Variants in ARAP2 observed in about 807,000 individuals in gnomAD.
ARAP2 encodes arf-GAP with Rho-GAP domain, ANK repeat and PH domain-containing protein 2.
A neutral mutation model predicts 194.5 loss-of-function variants in ARAP2; 148 were observed. That is an observed-to-expected ratio of 0.76 (90% CI 0.67 to 0.87). The LOEUF is 0.87. Ranked by LOEUF, ARAP2 falls within the 40% of genes least tolerant of loss-of-function variation. The pLI is 0.00. For missense variants in ARAP2, 2,128 were observed against 1,989.7 expected (o/e 1.07, Z -1.32); for synonymous variants, 695 against 683.5 (o/e 1.02, Z -0.26).
At chr4:36,225,499 C>G (rs1382231260) in intron 2 of ARAP2, among the ~76,000 whole-genome samples, 1 of 152,010 alleles carries the variant, frequency 6.6e-6, no homozygotes, top group African/African-American at 2.4e-5. Flanking sequence ...AAGGAAGGAG[C>G]TGGTGCTTGG....
chr4:36,242,523 G>A (rs748604913), intron 1 of ARAP2, among the ~76,000 whole-genome samples: 2 of 152,072 alleles, frequency 1.3e-5, no homozygotes, highest in East Asian at 1.9e-4. Flanking sequence ...AGAATTCTAC[G>A]TAGACTTTAA....
chr4:36,121,356 T>A, intron 22 of ARAP2, 30 bp from the exon 23 acceptor site: 1 of 1,530,194 alleles, frequency 6.5e-7, no homozygotes, highest in Non-Finnish European at 8.8e-7. Flanking sequence ...TTTATTATGA[T>A]ACACTTTTAT....
intron 30 of ARAP2, among the ~76,000 whole-genome samples, chr4:36,081,098 G>A (rs1729425821): frequency 6.6e-6 from 1 of 152,062 alleles, no homozygotes; most frequent in South Asian, 2.1e-4. Context: ...TAAAAAATCT[G>A]TGTTTTCTTC....
chr4:36,232,169 G>A lies in ARAP2; in HGVS notation c.-159-2524C>T, dbSNP rs57728875. On this transcript the variant is annotated intron_variant, in intron 1 of 32. Coordinates refer to ENST00000303965, the MANE Select transcript of ARAP2 (RefSeq NM_015230.4). ...AAATTTACGTGGTTTAAGCTACATG[G>A]CCTGTGGTATTTTGTCACAGCAGCT... Among the ~76,000 whole-genome samples, 337 of 152,264 alleles carry A rather than the reference G, an allele frequency of 2.2e-3. 3 individuals carry two copies. The highest frequency in any genetic ancestry group is 7.6e-3 in the African/African-American group (315 of 41,546).
At chr4:36,033,720 C>A (rs1719407849) in intron 5 of ARAP2, among the ~76,000 whole-genome samples, 1 of 151,910 alleles carries the variant, frequency 6.6e-6, no homozygotes, top group South Asian at 2.1e-4. Context: ...GAAATCTTTG[C>A]CCATTCCGAC....
chr4:36,106,200 A>G (rs1362203041), intron 27 of ARAP2, among the ~76,000 whole-genome samples: 1 of 151,954 alleles, frequency 6.6e-6, no homozygotes, highest in Non-Finnish European at 1.5e-5. Flanking sequence ...CCACTACTTT[A>G]TGACATGTGC....
chr4:36,132,690 C>CA (rs1483528990), intron 20 of ARAP2, among the ~76,000 whole-genome samples: 2 of 151,718 alleles, frequency 1.3e-5, no homozygotes, highest in African/African-American at 4.8e-5. Context: ...TTTTTATCTG[C>CA]AAACGATTCA....
chr4:36,127,965 A>T (rs1724374440), intron 21 of ARAP2, among the ~76,000 whole-genome samples: 1 of 152,114 alleles, frequency 6.6e-6, no homozygotes, highest in African/African-American at 2.4e-5. Context: ...ACTAAAATTA[A>T]TTTGACCCAT....
intron 11 of ARAP2, among the ~76,000 whole-genome samples, chr4:36,161,793 CAAAAAAAAAAA>C (rs869193087): frequency 4.0e-5 from 4 of 99,462 alleles, no homozygotes; most frequent in South Asian, 3.3e-4. Flanking sequence ...TCTGCACTGA[CAAAAAAAAAAA>C]AAAAAAAAAA....
At chr4:36,057,348 GT>G (rs77470022) in intron 2 of ARAP2, among the ~76,000 whole-genome samples, 68 of 143,636 alleles carry the variant, frequency 4.7e-4, no homozygotes, top group African/African-American at 6.6e-4. Context: ...TTTTGTGTAG[GT>G]TTTTTTTTTT....
rs1560264631 is a variant in ARAP2 at position 36,014,300 on chromosome 4, G to GGAA, written n.1056+1085_1056+1086insTTC. Among the ~76,000 whole-genome samples the GGAA allele has an allele frequency of 1.7e-3, 125 of 74,534 alleles. 7 individuals are homozygous for GGAA. Among genetic ancestry groups the GGAA allele is most frequent in the African/African-American group, 8.4e-3 (114 of 13,528 alleles). The allele number at this position is 74,534 out of a possible 152,430, so 48.9% of individuals were successfully genotyped here. ...AAGAAAGAAAGAAAGAAAGAAAGAA[G>GGAA]AGAAGGAAGGAAAGAAAGAAAGAGA... On this transcript the variant is annotated intron_variant and non_coding_transcript_variant, in intron 8 of 12. Transcript: ENST00000503225.
At chr4:36,175,981 T>A (rs1167822204) in intron 9 of ARAP2, among the ~76,000 whole-genome samples, 1 of 152,140 alleles carries the variant, frequency 6.6e-6, no homozygotes, top group African/African-American at 2.4e-5. Context: ...GTGCCTGACA[T>A]GGTATACAAT....
At chr4:36,026,668 C>T (rs564157175) in intron 5 of ARAP2, among the ~76,000 whole-genome samples, 28 of 152,304 alleles carry the variant, frequency 1.8e-4, no homozygotes, top group African/African-American at 6.5e-4. Context: ...AAAGATAGTA[C>T]AAGGGCTGGC....
chr4:36,151,112 A>G, intron 15 of ARAP2, 68 bp from the exon 16 acceptor site: 2 of 1,330,094 alleles, frequency 1.5e-6, no homozygotes, highest in South Asian at 2.8e-5. Context: ...AAACAAAAAC[A>G]TACTTCTAAA....
intron 10 of ARAP2, chr4:36,005,783 C>T (rs1045202491): frequency 6.6e-6 from 1 of 152,014 alleles, no homozygotes; most frequent in African/African-American, 2.4e-5. Context: ...ATATTAGTAT[C>T]AGAAAAAAAG....
chr4:36,237,870 T>C (rs1194602129), intron 1 of ARAP2, among the ~76,000 whole-genome samples: 2 of 152,186 alleles, frequency 1.3e-5, no homozygotes, highest in Non-Finnish European at 2.9e-5. Context: ...CAAGTATAGA[T>C]AAAGACATGT....
intron 27 of ARAP2, among the ~76,000 whole-genome samples, chr4:36,100,953 T>C (rs1040398207): frequency 9.2e-5 from 14 of 151,992 alleles, no homozygotes; most frequent in Admixed American, 7.2e-4. Flanking sequence ...TCTGTATCCA[T>C]GGATGCCGCA....
rs770493042 is a variant in ARAP2, at chr4:36,128,711, A to G, written c.3462T>C (p.Gly1154=). 2 of 1,611,960 alleles carry G rather than the reference A, an allele frequency of 1.2e-6. No homozygotes were observed. Among genetic ancestry groups the G allele is most frequent in the African/African-American group, 1.3e-5 (1 of 74,628 alleles). ...GGAGTTCACTTATATGCAAAGGATC[A>G]CCATTCTTTTGATAGATATATTTGC... is the stretch of plus-strand genomic sequence containing the variant. ...LGCKYIYQKN[G]DPLHISELLE... Residue 1154 remains glycine, a synonymous_variant, in exon 21 of 33, where the codon GGT becomes GGC. Transcript: ENST00000303965.
chr4:36,127,077 C>T (rs1448318530), intron 21 of ARAP2, among the ~76,000 whole-genome samples: 2 of 152,024 alleles, frequency 1.3e-5, no homozygotes, highest in Admixed American at 1.3e-4. Flanking sequence ...CTCAAGCTAT[C>T]CTCCTGCCTT....
Sources: allele counts gnomAD v4.1 joint callset (sites outside exome capture counted in the v4.1 genomes callset), GRCh38; gene constraint gnomAD v4.1.1; transcripts MANE v1.5; gene names NCBI Gene and HGNC (gene_info 2026-07-23, HGNC 2026-07-21).